CNTN3: variants seen among roughly 807,000 people sequenced by gnomAD.
CNTN3 encodes contactin 3, also known as contactin-3.
In CNTN3, 60 loss-of-function variants were observed where a neutral mutation model predicts 119.1. That is an observed-to-expected ratio of 0.50 (90% CI 0.41 to 0.62). The LOEUF (loss-of-function observed/expected upper bound fraction) is 0.62, where lower values mean the gene tolerates loss of function less well. CNTN3 is among the 20% of genes least tolerant of loss of function. CNTN3 has a pLI of 0.00. For missense variants in CNTN3, 1,101 were observed against 1,242.4 expected (o/e 0.89, Z 1.71); for synonymous variants, 450 against 438.7 (o/e 1.03, Z -0.32).
intron 1 of CNTN3, among the ~76,000 whole-genome samples, chr3:74,612,731 C>A (rs1705103581): frequency 6.6e-6 from 1 of 152,100 alleles, no homozygotes; most frequent in Non-Finnish European, 1.5e-5. Context: ...GTCCTCAAAC[C>A]ACATGTTTAC....
intron 13 of CNTN3, among the ~76,000 whole-genome samples, chr3:74,316,089 A>C (rs1241871401): frequency 6.6e-6 from 1 of 152,198 alleles, no homozygotes; most frequent in African/African-American, 2.4e-5. Context: ...TTGCAAAGTA[A>C]GTATCCAATA....
At chr3:74,450,807 C>A (rs1350543294) in intron 4 of CNTN3, among the ~76,000 whole-genome samples, 1 of 151,732 alleles carries the variant, frequency 6.6e-6, no homozygotes, top group Non-Finnish European at 1.5e-5. Context: ...ATGACGATTC[C>A]CAATTTCATC....
intron 19 of CNTN3, 149 bp from the exon 20 acceptor site, chr3:74,285,640 A>G: frequency 1.5e-6 from 1 of 687,808 alleles, no homozygotes; most frequent in Non-Finnish European, 2.3e-6. Flanking sequence ...GTGCTGCATT[A>G]GGCTGTGTGT....
intron 1 of CNTN3, among the ~76,000 whole-genome samples, chr3:74,548,529 C>T (rs1559653536): frequency 6.6e-6 from 1 of 152,062 alleles, no homozygotes; most frequent in Non-Finnish European, 1.5e-5. Flanking sequence ...ATTCCTTGCT[C>T]ATTGTTATTA....
intron 5 of CNTN3, among the ~76,000 whole-genome samples, chr3:74,424,536 G>A (rs918449092): frequency 1.3e-5 from 2 of 151,200 alleles, no homozygotes; most frequent in Non-Finnish European, 2.9e-5. Flanking sequence ...AGTTTGACAT[G>A]GCATAAAACT....
At chr3:74,285,713 A>G (rs980341525) in intron 19 of CNTN3, among the ~76,000 whole-genome samples, 1 of 147,380 alleles carries the variant, frequency 6.8e-6, no homozygotes, top group African/African-American at 2.5e-5. Context: ...AAATAAATAT[A>G]TGAACCAGAT....
At chr3:74,385,892 G>A (rs898061991) in intron 5 of CNTN3, among the ~76,000 whole-genome samples, 11 of 152,186 alleles carry the variant, frequency 7.2e-5, no homozygotes, top group African/African-American at 2.7e-4. Flanking sequence ...GTATCACGTA[G>A]TTTCTCTTTC....
At chr3:74,276,455 G>C (rs1473035409) in intron 20 of CNTN3, among the ~76,000 whole-genome samples, 1 of 151,948 alleles carries the variant, frequency 6.6e-6, no homozygotes, top group African/African-American at 2.4e-5. Flanking sequence ...AGACCACAGT[G>C]GAATAAAACT....
chr3:74,343,563 T>C lies in CNTN3; in HGVS notation c.1365-6905A>G, dbSNP rs553125392. Among the ~76,000 whole-genome samples, 164 of 152,372 alleles carry C rather than the reference T, an allele frequency of 1.1e-3. 2 individuals carry two copies. The highest frequency in any genetic ancestry group is 3.9e-3 in the African/African-American group (161 of 41,596). ...TCACCTCAAGGTATGTAGAGGATGC[T>C]GAATATTTTTTGGCTGTCCAGAATT... On this transcript the variant is annotated intron_variant, in intron 11 of 22. Coordinates refer to ENST00000263665, the MANE Select transcript of CNTN3 (RefSeq NM_020872.3).
rs368393774 is a variant in CNTN3, at chr3:74,352,682, C to T, written c.1364+9208G>A. ...AATAACAATATGATAAATTAGAAAA[C>T]AACATGGAGTACCTTCCTTCTAGGC... On this transcript the variant is annotated intron_variant, in intron 11 of 22. Transcript: ENST00000263665. Among the ~76,000 whole-genome samples, 8 of 152,160 alleles carry T rather than the reference C, an allele frequency of 5.3e-5. 1 individual carries two copies. Among genetic ancestry groups the T allele is most frequent in the African/African-American group, 1.9e-4 (8 of 41,492 alleles).
intron 5 of CNTN3, among the ~76,000 whole-genome samples, chr3:74,416,609 C>T (rs1298542836): frequency 1.3e-5 from 2 of 152,036 alleles, no homozygotes; most frequent in African/African-American, 4.8e-5. Flanking sequence ...GTCTGAAAAA[C>T]ACTGTTTTAG....
intron 19 of CNTN3, among the ~76,000 whole-genome samples, chr3:74,290,159 T>C (rs1259420654): frequency 2.0e-5 from 3 of 152,210 alleles, no homozygotes; most frequent in Non-Finnish European, 2.9e-5. Context: ...GGTTGTTGCA[T>C]TGTGTGAACA....
intron 1 of CNTN3, among the ~76,000 whole-genome samples, chr3:74,590,086 T>C (rs1704674119): frequency 1.3e-5 from 2 of 151,876 alleles, no homozygotes; most frequent in African/African-American, 4.8e-5. Context: ...TGTGCGCATG[T>C]ACCCTAAAAC....
At chr3:74,425,165 G>T (rs1305102550) in intron 4 of CNTN3, among the ~76,000 whole-genome samples, 1 of 152,020 alleles carries the variant, frequency 6.6e-6, no homozygotes, top group African/African-American at 2.4e-5. Flanking sequence ...TTTGGGGTTT[G>T]GTTGATCTCA....
intron 5 of CNTN3, among the ~76,000 whole-genome samples, chr3:74,376,407 C>T (rs1361708579): frequency 6.6e-6 from 1 of 152,134 alleles, no homozygotes; most frequent in African/African-American, 2.4e-5. Context: ...GTCAGATCAG[C>T]AGCAGCATTA....
At chr3:74,519,850 T>A (rs1478328365) in intron 2 of CNTN3, among the ~76,000 whole-genome samples, 2 of 151,688 alleles carry the variant, frequency 1.3e-5, no homozygotes, top group Non-Finnish European at 3.0e-5. Flanking sequence ...AGTAAAAATC[T>A]GTAAAAACTA....
intron 11 of CNTN3, among the ~76,000 whole-genome samples, chr3:74,351,266 G>A (rs573147378): frequency 3.9e-5 from 6 of 152,162 alleles, no homozygotes; most frequent in Non-Finnish European, 5.9e-5. Flanking sequence ...GAGAGAAACG[G>A]GGCAGCGACA....
intron 19 of CNTN3, among the ~76,000 whole-genome samples, chr3:74,288,048 C>T (rs774075888): frequency 1.4e-4 from 21 of 151,960 alleles, no homozygotes; most frequent in Non-Finnish European, 2.5e-4. Context: ...ATTCTTTGCC[C>T]GATTGCAGGG....
chr3:74,302,750 C>T lies in CNTN3; in HGVS notation c.1726G>A (p.Val576Ile), dbSNP rs1047571312. The change falls in exon 14 of 23, where the codon GTT (valine) becomes ATT (isoleucine). Residue 576 changes from valine (V) to isoleucine (I), a missense_variant. Physicochemically the swap from Val to Ile is conservative, Grantham distance 29. Transcript: ENST00000263665. ...NIQLKHSGKY[V>I]CMVQTGVDSV... is the part of the protein sequence containing the mutation. ...TCCACCCCCGTTTGCACCATACAAA[C>T]ATATTTCCCACTGTGTTTCAGCTGA... is the stretch of plus-strand genomic sequence containing the variant. The T allele has an allele frequency of 6.2e-7, 1 of 1,613,176 alleles. No homozygotes were observed. Among genetic ancestry groups the T allele is most frequent in the African/African-American group, 1.3e-5 (1 of 74,888 alleles).
Sources: gnomAD v4.1 joint callset for allele counts (sites outside exome capture counted in the v4.1 genomes callset) on GRCh38, gnomAD v4.1.1 for gene constraint, MANE v1.5 for transcripts, NCBI Gene and HGNC (gene_info 2026-07-23, HGNC 2026-07-21) for gene names.